The following TACR1 variants were observed in gnomAD, a reference collection of about 807,000 sequenced individuals.
The protein encoded by TACR1 is substance-P receptor.
In TACR1, 25 loss-of-function variants were observed where a neutral mutation model predicts 35.8. The ratio of observed to expected loss-of-function variants is 0.70; its 90% confidence interval spans 0.51 to 0.98. TACR1 has a LOEUF of 0.98. Among genes scored for constraint, TACR1 ranks in the 50% least tolerant of loss-of-function variants. TACR1 has a pLI of 0.00. For missense variants in TACR1, 478 were observed against 522.9 expected, an observed-to-expected ratio of 0.91 and a Z score of 0.84; for synonymous variants, 195 against 206.7, an observed-to-expected ratio of 0.94 and a Z score of 0.48.
chr2:75,076,928 G>T lies in TACR1; in HGVS notation c.585-23173C>A, dbSNP rs948643629. 3.9e-5 allele frequency among the ~76,000 whole-genome samples: 6 copies of T among 152,244 alleles called. 1 individual carries two copies. In the East Asian group the frequency reaches 9.7e-4, roughly 25 times the overall value. ...ATTTACCAGGTGCCTACTAGCTTCC[G>T]CTTTACACAGGTAATTTCATGTAAT... On this transcript the variant is annotated intron_variant, in intron 2 of 4. Coordinates refer to ENST00000305249, the MANE Select transcript of TACR1 (RefSeq NM_001058.4).
At chr2:75,070,261 G>A (rs1450473168) in intron 2 of TACR1, among the ~76,000 whole-genome samples, 1 of 139,796 alleles carries the variant, frequency 7.2e-6, no homozygotes, top group African/African-American at 2.8e-5. Flanking sequence ...GTATGTGTGT[G>A]TGTGTGTGTT....
chr2:75,064,525 C>A (rs1672729534), intron 2 of TACR1, among the ~76,000 whole-genome samples: 1 of 151,846 alleles, frequency 6.6e-6, no homozygotes, highest in African/African-American at 2.4e-5. Flanking sequence ...GTACAGGTAA[C>A]AAGAAAAAGG....
At chr2:75,076,886 G>C (rs1672990857) in intron 2 of TACR1, among the ~76,000 whole-genome samples, 1 of 152,160 alleles carries the variant, frequency 6.6e-6, no homozygotes, top group South Asian at 2.1e-4. Context: ...TCAGTAGGAA[G>C]GGGGAAGTGA....
intron 2 of TACR1, among the ~76,000 whole-genome samples, chr2:75,111,602 CTCCATATAA>C (rs2103889331): frequency 6.6e-6 from 1 of 152,030 alleles, no homozygotes; most frequent in East Asian, 1.9e-4. Flanking sequence ...ATTATGGTTT[CTCCATATAA>C]AGAATACTAT....
intron 1 of TACR1, among the ~76,000 whole-genome samples, chr2:75,139,586 C>G (rs1160706648): frequency 1.3e-5 from 2 of 152,180 alleles, no homozygotes. Flanking sequence ...CCTTAAGCCA[C>G]TAGGTCTCTA....
At chr2:75,198,333 G>C (rs1162393691) in intron 1 of TACR1, among the ~76,000 whole-genome samples, 1 of 152,160 alleles carries the variant, frequency 6.6e-6, no homozygotes, top group Non-Finnish European at 1.5e-5. Context: ...TGTGTTGAAA[G>C]GAAGAGAGAG....
At chr2:75,064,639 G>T (rs867219451) in intron 2 of TACR1, among the ~76,000 whole-genome samples, 2 of 152,248 alleles carry the variant, frequency 1.3e-5, no homozygotes, top group African/African-American at 4.8e-5. Flanking sequence ...GACACAGCCA[G>T]CAAGACATTT....
intron 1 of TACR1, among the ~76,000 whole-genome samples, chr2:75,190,160 AACTC>A (rs1558587765): frequency 1.3e-5 from 2 of 152,252 alleles, no homozygotes; most frequent in Admixed American, 1.3e-4. Context: ...TATCAATTAA[AACTC>A]ACGCAGCTAT....
intron 4 of TACR1, 73 bp from the exon 5 acceptor site, chr2:75,049,796 CT>C (rs765051460): frequency 1.2e-5 from 17 of 1,469,386 alleles, no homozygotes; most frequent in Non-Finnish European, 1.6e-5. Flanking sequence ...ACTGCATCAG[CT>C]TGTTAACACA....
chr2:75,166,594 C>A (rs963815101), intron 1 of TACR1, among the ~76,000 whole-genome samples: 1 of 152,208 alleles, frequency 6.6e-6, no homozygotes, highest in African/African-American at 2.4e-5. Context: ...CTCACTGACT[C>A]TTCCAGAGAT....
At chr2:75,190,603 G>C (rs1425083443) in intron 1 of TACR1, among the ~76,000 whole-genome samples, 2 of 152,152 alleles carry the variant, frequency 1.3e-5, no homozygotes, top group Non-Finnish European at 2.9e-5. Flanking sequence ...CTATTAATTG[G>C]TATTTTAGTG....
At chr2:75,071,560 C>T (rs1672882023) in intron 2 of TACR1, among the ~76,000 whole-genome samples, 1 of 149,550 alleles carries the variant, frequency 6.7e-6, no homozygotes, top group Non-Finnish European at 1.5e-5. Context: ...TCTGCAGGCT[C>T]CTATAAACCA....
chr2:75,164,219 C>T (rs1258387946), intron 1 of TACR1, among the ~76,000 whole-genome samples: 3 of 151,232 alleles, frequency 2.0e-5, no homozygotes, highest in African/African-American at 4.9e-5. Context: ...CCCAGCTACT[C>T]GGGAGGCTGA....
intron 1 of TACR1, among the ~76,000 whole-genome samples, chr2:75,164,145 G>C (rs968993158): frequency 1.3e-5 from 2 of 151,986 alleles, no homozygotes; most frequent in Middle Eastern, 6.8e-3. Context: ...GCCTAACATG[G>C]TGAAACCCCG....
intron 2 of TACR1, among the ~76,000 whole-genome samples, chr2:75,054,704 C>T (rs898160220): frequency 1.3e-5 from 2 of 151,788 alleles, no homozygotes; most frequent in African/African-American, 4.8e-5. Context: ...AGTTACAGCC[C>T]TTTTCTTAGA....
intron 2 of TACR1, among the ~76,000 whole-genome samples, chr2:75,082,488 A>C (rs1056881226): frequency 2.6e-5 from 4 of 152,216 alleles, no homozygotes; most frequent in African/African-American, 9.7e-5. Context: ...TAGATCCCTG[A>C]GGAATCGCCA....
chr2:75,162,387 A>G (rs1389159932), intron 1 of TACR1, among the ~76,000 whole-genome samples: 1 of 152,202 alleles, frequency 6.6e-6, no homozygotes, highest in Non-Finnish European at 1.5e-5. Context: ...TTTGTTCCCT[A>G]ACTAATTCTA....
At chr2:75,108,556 T>G (rs1673693847) in intron 2 of TACR1, among the ~76,000 whole-genome samples, 1 of 152,134 alleles carries the variant, frequency 6.6e-6, no homozygotes, top group South Asian at 2.1e-4. Context: ...TACTTAATGG[T>G]GAAGTATTGT....
chr2:75,065,149 A>G lies in TACR1; in HGVS notation c.585-11394T>C, dbSNP rs560566490. ...CAGGTGGCGCCAATCTGCAGCCGGC[A>G]CCTGGACCAACCAGTATTCATTAGG... On this transcript the variant is annotated intron_variant, in intron 2 of 4. Coordinates refer to ENST00000305249, the MANE Select transcript of TACR1 (RefSeq NM_001058.4). Among the ~76,000 whole-genome samples, 4 of 152,330 alleles carry G rather than the reference A, an allele frequency of 2.6e-5. No individual in the cohort carries two copies. The South Asian group carries it at 6.2e-4, about 24-fold the overall frequency.
Sources: gnomAD v4.1 joint callset for allele counts (sites outside exome capture counted in the v4.1 genomes callset) on GRCh38, gnomAD v4.1.1 for gene constraint, MANE v1.5 for transcripts, NCBI Gene and HGNC (gene_info 2026-07-23, HGNC 2026-07-21) for gene names.